FAM149A: variants seen among roughly 807,000 people sequenced by gnomAD.
FAM149A encodes the protein protein FAM149A.
FAM149A carries 71 observed loss-of-function variants against 78.2 expected under a neutral mutation model. The observed-to-expected ratio is 0.91, with a 90% CI of 0.75 to 1.11. FAM149A has a LOEUF of 1.11. Among genes scored for constraint, FAM149A ranks in the 50% least tolerant of loss-of-function variants. The pLI, the probability that FAM149A is intolerant of heterozygous loss-of-function variation, is 0.00. For missense variants in FAM149A, 1,036 were observed against 971.0 expected, an observed-to-expected ratio of 1.07 and a Z score of -0.89; for synonymous variants, 446 against 410.5, an observed-to-expected ratio of 1.09 and a Z score of -1.04.
intron 1 of FAM149A, among the ~76,000 whole-genome samples, chr4:186,128,878 G>T (rs1259696831): frequency 6.6e-6 from 1 of 151,798 alleles, no homozygotes; most frequent in Non-Finnish European, 1.5e-5. Flanking sequence ...GGGTGTGTGT[G>T]TATGGGTGTG....
At chr4:186,151,626 ATACCTC>A (rs954318826) in intron 3 of FAM149A, 2 of 578,878 alleles carry the variant, frequency 3.5e-6, no homozygotes, top group African/African-American at 4.0e-5. Context: ...ACGTCCATCT[ATACCTC>A]TATCTATGCA....
chr4:186,105,434 C>G lies in FAM149A; in HGVS notation c.358C>G (p.Pro120Ala). 1 of 1,212,924 alleles carries G rather than the reference C, an allele frequency of 8.2e-7. No individual in the cohort carries two copies. The highest frequency in any genetic ancestry group is 1.0e-6 in the Non-Finnish European group (1 of 957,570). The allele number at this position is 1,212,924 out of a possible 1,614,324, so 75.1% of individuals were successfully genotyped here. ...CACTCCCTCCGGCGGGGGCTGCTCC[C>G]CTGCTCGCCTGGTGGTCCCAGCGCG... is the stretch of plus-strand genomic sequence containing the variant. The change falls in exon 1 of 14, where the codon CCT becomes GCT. Residue 120 changes from proline (P) to alanine (A), a missense_variant. Transcript: ENST00000389354.
At chr4:186,130,742 T>G (rs2099320455) in intron 1 of FAM149A, among the ~76,000 whole-genome samples, 1 of 152,112 alleles carries the variant, frequency 6.6e-6, no homozygotes, top group African/African-American at 2.4e-5. Context: ...AATACAGTAA[T>G]TCCTCTCATA....
At chr4:186,168,703 G>A (rs75825800) in intron 13 of FAM149A, among the ~76,000 whole-genome samples, 10,504 of 152,238 alleles carry the variant, frequency 0.069, 498 homozygotes, top group African/African-American at 0.12. Flanking sequence ...GGAAGTAGGC[G>A]CCCAAGTTAG....
rs574600429 is a variant in FAM149A at position 186,150,557 on chromosome 4, C to G, written c.789+853C>G. On this transcript the variant is annotated intron_variant, in intron 3 of 13. Transcript: ENST00000389354. The stretch of plus-strand genomic sequence containing the variant: ...GCCTCAGCCTCCCGAGTAGCTGGGA[C>G]CACAGGCGCCCACCACCACGCCCGG... Among the ~76,000 whole-genome samples the G allele has an allele frequency of 2.3e-4, 23 of 99,440 alleles. 1 individual carries two copies. Among genetic ancestry groups the G allele is most frequent in the African/African-American group, 8.9e-4 (23 of 25,974 alleles). The allele number at this position is 99,440 out of a possible 152,430, so 65.2% of individuals were successfully genotyped here.
At chr4:186,125,680 A>G (rs1347082542) in intron 1 of FAM149A, 8 of 983,320 alleles carry the variant, frequency 8.1e-6, no homozygotes, top group Admixed American at 6.1e-5. Context: ...TGGCTGAAAT[A>G]TGGGGCTTAA....
At chr4:186,106,620 C>T (rs967801215) in intron 1 of FAM149A, among the ~76,000 whole-genome samples, 3 of 152,112 alleles carry the variant, frequency 2.0e-5, no homozygotes, top group South Asian at 2.1e-4. Context: ...TAAATAATTA[C>T]AGTTTCACAA....
At chr4:186,171,776 ATT>A (rs1735554109) in intron 13 of FAM149A, 136 bp from the exon 14 acceptor site, 2 of 617,854 alleles carry the variant, frequency 3.2e-6, no homozygotes, top group Admixed American at 8.5e-5. Flanking sequence ...GCATATGACT[ATT>A]TCCTAATTTA....
chr4:186,136,990 C>CTCTCTCTCTCTCTCTCTCTCTCTT (rs2099323463), intron 1 of FAM149A, among the ~76,000 whole-genome samples: 1 of 92,888 alleles, frequency 1.1e-5, no homozygotes, highest in African/African-American at 3.2e-5. Context: ...CTCTCTCTCT[C>CTCTCTCTCTCTCTCTCTCTCTCTT]TCTCTCTCTC....
At chr4:186,127,813 G>A (rs2099319002) in intron 1 of FAM149A, 1 of 305,088 alleles carries the variant, frequency 3.3e-6, no homozygotes, top group Non-Finnish European at 4.8e-6. Context: ...AGCCTCTCAA[G>A]TAGCTGGAAC....
intron 1 of FAM149A, among the ~76,000 whole-genome samples, chr4:186,129,289 C>G (rs1308534401): frequency 7.2e-5 from 11 of 152,124 alleles, no homozygotes; most frequent in Non-Finnish European, 1.5e-4. Context: ...TTGCTCCACA[C>G]TGACCAATAT....
At chr4:186,169,770 G>A (rs1327970500) in intron 13 of FAM149A, 5 of 985,304 alleles carry the variant, frequency 5.1e-6, no homozygotes, top group African/African-American at 1.7e-5. Flanking sequence ...ACATTAACAC[G>A]TGCAATCACA....
rs1579934486 is a variant in FAM149A, at chr4:186,166,836, G to A, written c.2011-132G>A. 2.6e-5 allele frequency: 19 copies of A among 734,244 alleles called. No individual in the cohort carries two copies. In the East Asian group the frequency reaches 4.7e-4, roughly 18 times the overall value. 45.5% of individuals were successfully genotyped at this position (734,244 alleles called of 1,614,324 possible). A position where few individuals can be genotyped will look rare whatever the true frequency, so the allele number is the denominator to read the frequency against. On this transcript the variant is annotated intron_variant, in intron 11 of 13. Transcript: ENST00000389354. ...TTTCTTCAGGTATTTATCCTTAGGA[G>A]ACCTGATCCTTAGTAATGTCTAACT...
At chr4:186,129,879 C>T (rs964094165) in intron 1 of FAM149A, 3 of 152,110 alleles carry the variant, frequency 2.0e-5, no homozygotes, top group Non-Finnish European at 4.4e-5. Context: ...TTGTATTAGA[C>T]CAAGTAGACT....
intron 1 of FAM149A, among the ~76,000 whole-genome samples, chr4:186,107,020 T>G (rs1276520615): frequency 6.6e-6 from 1 of 152,198 alleles, no homozygotes; most frequent in African/African-American, 2.4e-5. Flanking sequence ...TAAAAAATAC[T>G]ATATTATGAC....
At chr4:186,137,408 C>CATGTGCATGGTATGAT (rs1409625182) in intron 1 of FAM149A, among the ~76,000 whole-genome samples, 1 of 152,096 alleles carries the variant, frequency 6.6e-6, no homozygotes, top group Admixed American at 6.5e-5. Flanking sequence ...ACATTCATAT[C>CATGTGCATGGTATGAT]ATGTGCATGG....
intron 1 of FAM149A, among the ~76,000 whole-genome samples, chr4:186,127,958 G>C (rs529002857): frequency 1.2e-3 from 175 of 142,684 alleles, no homozygotes; most frequent in African/African-American, 4.3e-3. Context: ...AAAGTGTTGG[G>C]ATTACAGGCA....
At chr4:186,106,268 A>T (rs2099308715) in intron 1 of FAM149A, among the ~76,000 whole-genome samples, 1 of 152,150 alleles carries the variant, frequency 6.6e-6, no homozygotes, top group Non-Finnish European at 1.5e-5. Context: ...ACTTCATGGG[A>T]ACATTTTCAC....
intron 11 of FAM149A, among the ~76,000 whole-genome samples, chr4:186,165,690 A>C (rs1734972224): frequency 6.6e-6 from 1 of 152,218 alleles, no homozygotes; most frequent in African/African-American, 2.4e-5. Context: ...CATGTCTTGA[A>C]CTAAATCAGA....
Sources: allele counts gnomAD v4.1 joint callset (sites outside exome capture counted in the v4.1 genomes callset), GRCh38; gene constraint gnomAD v4.1.1; transcripts MANE v1.5; gene names NCBI Gene and HGNC (gene_info 2026-07-23, HGNC 2026-07-21).